Variants in RABGAP1L observed in about 807,000 individuals in gnomAD.
RABGAP1L encodes the protein rab GTPase-activating protein 1-like.
In RABGAP1L, 63 loss-of-function variants were observed where a neutral mutation model predicts 137.7. The ratio of observed to expected loss-of-function variants is 0.46; its 90% confidence interval spans 0.37 to 0.56. The LOEUF is 0.56. RABGAP1L is among the 20% of genes least tolerant of loss of function. The probability of loss-of-function intolerance (pLI) is 0.00; values close to 1 mark genes in which losing one functional copy is unlikely to be tolerated. For synonymous variants in RABGAP1L, 431 were observed against 433.7 expected (o/e 0.99, Z 0.08); for missense variants, 1,095 against 1,244.0 (o/e 0.88, Z 1.80).
At chr1:174,195,574 A>ATTCTTT (rs1667514726) in intron 1 of RABGAP1L, among the ~76,000 whole-genome samples, 1 of 74,538 alleles carries the variant, frequency 1.3e-5, no homozygotes, top group Non-Finnish European at 2.5e-5. Context: ...TTCTTAATCA[A>ATTCTTT]TTCTTTCTTT....
At chr1:174,429,168 A>C (rs990541741) in intron 13 of RABGAP1L, among the ~76,000 whole-genome samples, 8 of 152,200 alleles carry the variant, frequency 5.3e-5, no homozygotes, top group African/African-American at 1.9e-4. Context: ...AATCTAAAGG[A>C]TAGTAATATT....
intron 13 of RABGAP1L, among the ~76,000 whole-genome samples, chr1:174,550,629 AG>A (rs1267731294): frequency 1.3e-5 from 2 of 151,972 alleles, no homozygotes; most frequent in Admixed American, 1.3e-4. Context: ...CAAGATTCCT[AG>A]TTAGCATCTG....
chr1:174,515,001 C>A (rs902225942), intron 13 of RABGAP1L, among the ~76,000 whole-genome samples: 9 of 151,928 alleles, frequency 5.9e-5, no homozygotes, highest in Non-Finnish European at 1.0e-4. Context: ...TTATTCATCC[C>A]ATTATATATT....
chr1:174,471,857 T>A (rs1159986553), intron 13 of RABGAP1L, among the ~76,000 whole-genome samples: 1 of 152,154 alleles, frequency 6.6e-6, no homozygotes, highest in African/African-American at 2.4e-5. Flanking sequence ...ATGACTATAT[T>A]TGAAAACAGG....
Position 174,992,790 on chromosome 1 carries a change from G to A in RABGAP1L, c.*2789G>A, listed in dbSNP as rs1380472285. ...GCATCCCAGCATGAAGTAACTCCTA[G>A]TTTTAATTTTAGTTATTTTGAGATA... is the stretch of plus-strand genomic sequence containing the variant. On this transcript the variant is annotated 3_prime_UTR_variant, in exon 26 of 26. Transcript: ENST00000681986. The A allele has an allele frequency of 6.6e-6, 1 of 152,070 alleles. No homozygotes were observed. Among genetic ancestry groups the A allele is most frequent in the African/African-American group, 2.4e-5 (1 of 41,412 alleles). The allele number at this position is 152,070 out of a possible 1,614,324, so 9.4% of individuals were successfully genotyped here.
intron 19 of RABGAP1L, among the ~76,000 whole-genome samples, chr1:174,943,365 C>T (rs984627431): frequency 6.6e-6 from 1 of 152,216 alleles, no homozygotes; most frequent in Non-Finnish European, 1.5e-5. Flanking sequence ...AACACCCTTT[C>T]TCCCTAATCC....
intron 13 of RABGAP1L, among the ~76,000 whole-genome samples, chr1:174,405,368 C>G (rs1054215086): frequency 6.6e-6 from 1 of 152,034 alleles, no homozygotes; most frequent in Non-Finnish European, 1.5e-5. Flanking sequence ...TATTGAGAGT[C>G]AGAGCATCGC....
intron 19 of RABGAP1L, among the ~76,000 whole-genome samples, chr1:174,844,564 G>C (rs1693845164): frequency 1.9e-5 from 2 of 106,338 alleles, no homozygotes; most frequent in Non-Finnish European, 3.8e-5. Flanking sequence ...TGAGGGCTCT[G>C]TTCTGTTCCA....
chr1:174,429,663 C>T (rs755615754), intron 13 of RABGAP1L, among the ~76,000 whole-genome samples: 217 of 151,830 alleles, frequency 1.4e-3, no homozygotes, highest in Non-Finnish European at 2.6e-3. Context: ...CGCCTCAACC[C>T]GGGAGGCGGA....
intron 17 of RABGAP1L, among the ~76,000 whole-genome samples, chr1:174,733,803 C>T (rs1682709038): frequency 6.6e-6 from 1 of 152,128 alleles, no homozygotes; most frequent in African/African-American, 2.4e-5. Flanking sequence ...TACTGTCACT[C>T]TAGAGAAAAG....
At chr1:174,786,235 T>C (rs1204186662) in intron 18 of RABGAP1L, among the ~76,000 whole-genome samples, 1 of 152,198 alleles carries the variant, frequency 6.6e-6, no homozygotes, top group Non-Finnish European at 1.5e-5. Flanking sequence ...CAATCAGATA[T>C]TTTCTAAAGG....
chr1:174,695,097 T>C (rs1679152628), intron 15 of RABGAP1L, among the ~76,000 whole-genome samples: 1 of 152,226 alleles, frequency 6.6e-6, no homozygotes, highest in African/African-American at 2.4e-5. Context: ...TTCTGGATAT[T>C]AGCCCTTTGT....
At chr1:174,816,885 C>G (rs1690484700) in intron 19 of RABGAP1L, among the ~76,000 whole-genome samples, 1 of 152,104 alleles carries the variant, frequency 6.6e-6, no homozygotes, top group Admixed American at 6.6e-5. Context: ...CGTGCGCCAC[C>G]ATGCCTGGCT....
intron 17 of RABGAP1L, among the ~76,000 whole-genome samples, chr1:174,733,789 C>T (rs564976296): frequency 1.4e-4 from 22 of 152,222 alleles, no homozygotes; most frequent in South Asian, 4.2e-4. Flanking sequence ...GGGATCACTC[C>T]GGCTACTGTC....
At chr1:174,173,406 A>G (rs1665571742) in intron 1 of RABGAP1L, among the ~76,000 whole-genome samples, 1 of 152,220 alleles carries the variant, frequency 6.6e-6, no homozygotes, top group Non-Finnish European at 1.5e-5. Flanking sequence ...CTGGGATTAC[A>G]GGCGTGAGCC....
intron 13 of RABGAP1L, chr1:174,548,602 T>TGCA: frequency 1.0e-6 from 1 of 958,146 alleles, no homozygotes; most frequent in Non-Finnish European, 1.2e-6. Flanking sequence ...CACAGAAATT[T>TGCA]GCAGAGGGCT....
chr1:174,783,707 C>CTTTTTTT (rs34367315), intron 18 of RABGAP1L, among the ~76,000 whole-genome samples: 141 of 102,438 alleles, frequency 1.4e-3, no homozygotes, highest in Non-Finnish European at 1.9e-3. Flanking sequence ...TCTTCTTCTT[C>CTTTTTTT]TTTTTTTTTT....
intron 4 of RABGAP1L, chr1:174,238,761 G>T (rs1184086767): frequency 6.6e-6 from 1 of 151,000 alleles, no homozygotes; most frequent in African/African-American, 2.5e-5. Context: ...GCCTACAGAG[G>T]CAGGCAGGCC....
chr1:174,895,564 G>T (rs564917668), intron 19 of RABGAP1L, among the ~76,000 whole-genome samples: 3 of 152,050 alleles, frequency 2.0e-5, no homozygotes, highest in South Asian at 2.1e-4. Flanking sequence ...TTTACATTAG[G>T]TATATCTCCT....
Sources: gnomAD v4.1 joint callset for allele counts (sites outside exome capture counted in the v4.1 genomes callset) on GRCh38, gnomAD v4.1.1 for gene constraint, MANE v1.5 for transcripts, NCBI Gene and HGNC (gene_info 2026-07-23, HGNC 2026-07-21) for gene names.